DENND2B: variants seen among roughly 807,000 people sequenced by gnomAD.
DENND2B encodes the protein DENN domain containing 2B.
In DENND2B, 32 loss-of-function variants were observed where a neutral mutation model predicts 116.0. That is an observed-to-expected ratio of 0.28 (90% CI 0.21 to 0.37). The LOEUF is 0.37. Ranked by LOEUF, DENND2B falls within the 10% of genes least tolerant of loss-of-function variation. DENND2B has a pLI of 1.00. For missense variants in DENND2B, 1,276 were observed against 1,477.7 expected (o/e 0.86, Z 2.24); for synonymous variants, 588 against 583.9 (o/e 1.01, Z -0.10).
intron 19 of DENND2B, chr11:8,694,448 TCGCACTG>T (rs2039961331): frequency 4.4e-6 from 2 of 449,454 alleles, no homozygotes; most frequent in Non-Finnish European, 8.5e-6. Flanking sequence ...GGAAGGGCAC[TCGCACTG>T]CTGTGTCTGC....
rs907134323 is a variant in DENND2B, at chr11:8,711,141, G to A, written c.2263C>T (p.Pro755Ser). The A allele has an allele frequency of 6.2e-7, 1 of 1,614,030 alleles. No homozygotes were observed. Among genetic ancestry groups the A allele is most frequent in the African/African-American group, 1.3e-5 (1 of 74,922 alleles). ...FCFPDAKDWL[P>S]VSEYSSETFS... ...CCTCACCTGCTATACTCTGACACAG[G>A]AAGCCAGTCCTTGGCATCAGGGAAG... Residue 755 changes from proline to serine, a missense_variant, in exon 10 of 20, where the codon CCT (proline) becomes TCT (serine). Coordinates refer to ENST00000313726, the MANE Select transcript of DENND2B (RefSeq NM_213618.2).
chr11:8,783,744 G>A (rs1362438433), intron 1 of DENND2B, among the ~76,000 whole-genome samples: 2 of 152,196 alleles, frequency 1.3e-5, no homozygotes, highest in African/African-American at 4.8e-5. Flanking sequence ...TAGCAGATGA[G>A]TTTTACTTGA....
chr11:8,775,892 ATTC>A (rs2057557098), intron 1 of DENND2B, among the ~76,000 whole-genome samples: 1 of 152,090 alleles, frequency 6.6e-6, no homozygotes, highest in Non-Finnish European at 1.5e-5. Flanking sequence ...GCTCCCCTTT[ATTC>A]TTCTACCTCC....
rs1429873178 is a variant in DENND2B, at chr11:8,764,759, A to G, written c.-25-14034T>C. Among the ~76,000 whole-genome samples the G allele has an allele frequency of 2.0e-5, 3 of 152,146 alleles. No homozygotes were observed. In the East Asian group the frequency reaches 5.8e-4, roughly 29 times the overall value. ...CAGGAGTTCAAGACCAGCCTGACCA[A>G]CATGGTGAAGTCCTGTCTCTACTAA... On this transcript the variant is annotated intron_variant, in intron 1 of 19. Coordinates refer to ENST00000313726, the MANE Select transcript of DENND2B (RefSeq NM_213618.2).
chr11:8,875,765 TA>T (rs921951725), upstream of DENND2B, among the ~76,000 whole-genome samples: 1 of 152,030 alleles, frequency 6.6e-6, no homozygotes, highest in Non-Finnish European at 1.5e-5. Context: ...TATATGTAGG[TA>T]AGATATACAC....
At chr11:8,716,130 A>G (rs1204815443) in intron 5 of DENND2B, among the ~76,000 whole-genome samples, 1 of 152,146 alleles carries the variant, frequency 6.6e-6, no homozygotes, top group Admixed American at 6.5e-5. Context: ...GGTCCTCCTG[A>G]GCTATGGGAC....
At chr11:8,812,726 A>G (rs1241628122), upstream of DENND2B, among the ~76,000 whole-genome samples, 1 of 152,184 alleles carries the variant, frequency 6.6e-6, no homozygotes, top group Non-Finnish European at 1.5e-5. Flanking sequence ...GCCTACTGAC[A>G]GGGCTGGGAC....
chr11:8,697,262 T>C (rs1346831424), intron 17 of DENND2B, among the ~76,000 whole-genome samples: 3 of 152,252 alleles, frequency 2.0e-5, no homozygotes, highest in Non-Finnish European at 4.4e-5. Flanking sequence ...GTGCCTTTCA[T>C]CTCCTGCAAT....
At chr11:8,851,371 G>A (rs551006868) in intron 3 of DENND2B, among the ~76,000 whole-genome samples, 1 of 151,196 alleles carries the variant, frequency 6.6e-6, no homozygotes, top group African/African-American at 2.4e-5. Flanking sequence ...GAAATTAAAC[G>A]GCCATTAAAT....
At chr11:8,876,166 G>A (rs1187472783), upstream of DENND2B, among the ~76,000 whole-genome samples, 4 of 152,012 alleles carry the variant, frequency 2.6e-5, no homozygotes, top group Admixed American at 6.6e-5. Context: ...CAGGAGGATC[G>A]TTTGAGCCCA....
intron 1 of DENND2B, among the ~76,000 whole-genome samples, chr11:8,775,044 C>G (rs147976545): frequency 3.9e-4 from 59 of 152,034 alleles, no homozygotes; most frequent in Middle Eastern, 3.4e-3. Context: ...ACACACCTGG[C>G]TAATTTTTGT....
intron 7 of DENND2B, 112 bp downstream of exon 7, chr11:8,714,498 A>T: frequency 1.2e-6 from 1 of 868,462 alleles, no homozygotes; most frequent in African/African-American, 1.7e-5. Context: ...CCTCCCTCCT[A>T]CGTGGCCATT....
chr11:8,730,439 C>T lies in DENND2B; in HGVS notation c.851G>A (p.Arg284Gln), dbSNP rs775357839. The stretch of plus-strand genomic sequence containing the variant: ...CAGGACCTGTTCAATTTTCTGGATC[C>T]GGCTCAGCACTGCTGAGCTCTCCTT... ...SRKESSAVLS[R>Q]IQKIEQVLKE... The change falls in exon 3 of 20, where the codon CGG (arginine) becomes CAG (glutamine). Residue 284 changes from arginine (R) to glutamine (Q), a missense_variant. This residue lies in a region of DENND2B where 856 missense variants were observed against 846.6 expected (regional missense o/e 1.01). Transcript: ENST00000313726. This position sits in a 1 kb window ranked among gnomAD's most constrained non-coding sequence, Gnocchi z 4.1. 25 of 1,609,694 alleles carry T rather than the reference C, an allele frequency of 1.6e-5. No individual in the cohort carries two copies. The highest frequency in any genetic ancestry group is 1.5e-4 in the South Asian group (14 of 91,088).
chr11:8,793,113 T>C (rs991705868), intron 1 of DENND2B, among the ~76,000 whole-genome samples: 3 of 152,220 alleles, frequency 2.0e-5, no homozygotes, highest in African/African-American at 4.8e-5. Flanking sequence ...TAAAAGCACA[T>C]ACTGAGGTAG....
intron 4 of DENND2B, chr11:8,718,238 C>T (rs2045415503): frequency 1.9e-5 from 19 of 997,564 alleles, no homozygotes; most frequent in Non-Finnish European, 2.9e-5. Context: ...AGAGTCTTTC[C>T]TTGGCTCCCT....
chr11:8,850,919 C>G (rs2134645509), intron 3 of DENND2B, among the ~76,000 whole-genome samples: 1 of 152,248 alleles, frequency 6.6e-6, no homozygotes, highest in South Asian at 2.1e-4. Flanking sequence ...ATGAAACAAG[C>G]CAGGCACAGA....
At chr11:8,901,603 T>C (rs2064172467) in intron 1 of DENND2B, among the ~76,000 whole-genome samples, 1 of 152,218 alleles carries the variant, frequency 6.6e-6, no homozygotes, top group Non-Finnish European at 1.5e-5. Flanking sequence ...ATCTAAAGCT[T>C]GGCACTTCCC....
chr11:8,712,071 G>C lies in DENND2B; in HGVS notation c.2172+480C>G, dbSNP rs1225141177. 1 of 441,464 alleles carries C rather than the reference G, an allele frequency of 2.3e-6. No homozygotes were observed. Among genetic ancestry groups the C allele is most frequent in the East Asian group, 7.1e-5 (1 of 14,154 alleles). The allele number at this position is 441,464 out of a possible 1,614,324, so 27.3% of individuals were successfully genotyped here. A position where few individuals can be genotyped will look rare whatever the true frequency, so the allele number is the denominator to read the frequency against. ...GCAATGGCAGAGAGAGAGGGGTTGA[G>C]TGTGAGAGGAAGAAGAGGGAGGCCA... is the stretch of plus-strand genomic sequence containing the variant. On this transcript the variant is annotated intron_variant, in intron 9 of 19. Transcript: ENST00000313726. The surrounding 1 kb of genome is among the most constrained non-coding windows in gnomAD (Gnocchi z 4.4).
intron 1 of DENND2B, chr11:8,808,251 A>G (rs1027153588): frequency 5.9e-5 from 9 of 152,292 alleles, no homozygotes; most frequent in African/African-American, 2.2e-4. Flanking sequence ...TGCCCACTGC[A>G]GAGTGTGCCC....
Sources: allele counts gnomAD v4.1 joint callset (sites outside exome capture counted in the v4.1 genomes callset), GRCh38; gene constraint gnomAD v4.1.1; regional missense constraint gnomAD v4.1.1; non-coding constraint Gnocchi (gnomAD v3.1); transcripts MANE v1.5; gene names NCBI Gene and HGNC (gene_info 2026-07-23, HGNC 2026-07-21).